Variants in SEMA6D observed in about 807,000 individuals in gnomAD.
SEMA6D encodes semaphorin-6D.
SEMA6D carries 35 observed loss-of-function variants against 106.6 expected under a neutral mutation model. That is an observed-to-expected ratio of 0.33 (90% confidence interval 0.25 to 0.44). The LOEUF is 0.44. Ranked by LOEUF, SEMA6D falls within the 20% of genes least tolerant of loss-of-function variation. SEMA6D has a pLI of 1.00. For missense variants in SEMA6D, 1,185 were observed against 1,345.9 expected (o/e 0.88, Z 1.87); for synonymous variants, 499 against 487.7 (o/e 1.02, Z -0.31).
intron 4 of SEMA6D, among the ~76,000 whole-genome samples, chr15:47,710,671 C>A (rs955188979): frequency 1.3e-5 from 2 of 152,076 alleles, no homozygotes; most frequent in African/African-American, 4.8e-5. Flanking sequence ...CAACTATAAC[C>A]AAAATATTCA....
intron 1 of SEMA6D, among the ~76,000 whole-genome samples, chr15:47,347,533 T>C (rs765805201): frequency 5.9e-5 from 9 of 152,250 alleles, no homozygotes; most frequent in Admixed American, 2.0e-4. Context: ...TAGAGATATA[T>C]AAAAACCCAC....
chr15:47,387,207 C>A (rs557637631), intron 1 of SEMA6D, among the ~76,000 whole-genome samples: 2 of 152,326 alleles, frequency 1.3e-5, no homozygotes, highest in Admixed American at 6.5e-5. Flanking sequence ...ATATCCCTAT[C>A]TGATAATTAT....
At chr15:47,204,486 A>G (rs1223186107) in intron 1 of SEMA6D, among the ~76,000 whole-genome samples, 1 of 152,152 alleles carries the variant, frequency 6.6e-6, no homozygotes, top group Admixed American at 6.6e-5. Flanking sequence ...TGACTGTTTA[A>G]TAACGACCAT....
At chr15:47,710,257 CT>C (rs1315939471) in intron 4 of SEMA6D, among the ~76,000 whole-genome samples, 4 of 152,168 alleles carry the variant, frequency 2.6e-5, no homozygotes, top group Admixed American at 1.3e-4. Context: ...ACAAGCATTT[CT>C]TCTTATTTTA....
chr15:47,715,350 T>G (rs1428964977), upstream of SEMA6D, among the ~76,000 whole-genome samples: 1 of 152,202 alleles, frequency 6.6e-6, no homozygotes, highest in East Asian at 1.9e-4. Flanking sequence ...CAATGGTAGC[T>G]GCATAAAGAG....
At chr15:47,670,643 A>G (rs2078119429) in intron 4 of SEMA6D, among the ~76,000 whole-genome samples, 1 of 152,230 alleles carries the variant, frequency 6.6e-6, no homozygotes, top group Admixed American at 6.5e-5. Flanking sequence ...TTAAGGGATT[A>G]AGTTTGAGGA....
intron 1 of SEMA6D, among the ~76,000 whole-genome samples, chr15:47,297,592 T>C (rs189478710): frequency 4.3e-4 from 66 of 152,276 alleles, no homozygotes; most frequent in Admixed American, 1.7e-3. Context: ...TTCCAGACAC[T>C]GGCCCAGGTG....
In SEMA6D at chr15:47,619,103, G is replaced by A. The variant is rs61019860; in HGVS notation, c.-55+18207G>A. Reference sequence around the variant, plus strand: ...CAAGCACAGGCAGTTGTGCAGGCCAGGTAGTTTCCAAGGCAGTAGCACCCT... The same window carrying A: ...CAAGCACAGGCAGTTGTGCAGGCCAAGTAGTTTCCAAGGCAGTAGCACCCT... On this transcript the variant is annotated intron_variant, in intron 4 of 19. Transcript: ENST00000558014. 6.6e-3 allele frequency among the ~76,000 whole-genome samples: 1,006 copies of A among 152,310 alleles called. 10 individuals are homozygous for A. Among genetic ancestry groups the A allele is most frequent in the African/African-American group, 0.022 (909 of 41,548 alleles).
Position 47,764,282 on chromosome 15 carries a change from C to G in SEMA6D, c.1074C>G (p.Pro358=), listed in dbSNP as rs367727576. The G allele has an allele frequency of 1.2e-6, 2 of 1,613,180 alleles. No homozygotes were observed. The highest frequency in any genetic ancestry group is 2.2e-5 in the East Asian group (1 of 44,858). The change falls in exon 11 of 19, where the codon CCC becomes CCG. Residue 358 remains proline, a synonymous_variant. Coordinates refer to ENST00000536845, the MANE Select transcript of SEMA6D (RefSeq NM_001358351.3). ...CAGATTCTGTTTGGACAGCAGTTCC[C>G]GAAGACAAAGTGCCAAAGCCAAGGT... is the stretch of plus-strand genomic sequence containing the variant. ...KTPDSVWTAV[P]EDKVPKPRPG... is the part of the protein sequence containing the mutation.
chr15:47,434,674 CATAA>C (rs1187610304), intron 2 of SEMA6D, among the ~76,000 whole-genome samples: 3 of 152,104 alleles, frequency 2.0e-5, no homozygotes, highest in Middle Eastern at 3.2e-3. Context: ...CTACACAGCA[CATAA>C]ATAATGTCTA....
chr15:47,345,410 G>A (rs1381564262), intron 1 of SEMA6D, among the ~76,000 whole-genome samples: 2 of 152,028 alleles, frequency 1.3e-5, no homozygotes, highest in African/African-American at 4.8e-5. Context: ...GCTCATGTAT[G>A]GACACTTGAT....
intron 1 of SEMA6D, among the ~76,000 whole-genome samples, chr15:47,208,539 A>C (rs997403261): frequency 4.6e-5 from 7 of 152,174 alleles, no homozygotes; most frequent in Non-Finnish European, 8.8e-5. Flanking sequence ...TCATCATTAC[A>C]CTATACTGCT....
In SEMA6D at chr15:47,773,854, G is replaced by A. The variant is rs1050442058; in HGVS notation, c.*2069G>A. 1.3e-5 allele frequency: 2 copies of A among 152,560 alleles called. No individual in the cohort carries two copies. The highest frequency in any genetic ancestry group is 2.9e-5 in the Non-Finnish European group (2 of 68,024). The allele number at this position is 152,560 out of a possible 1,614,324, so 9.5% of individuals were successfully genotyped here. A position where few individuals can be genotyped will look rare whatever the true frequency, so the allele number is the denominator to read the frequency against. The stretch of plus-strand genomic sequence containing the variant: ...TCACCTTACCAATATTAATCCCAGC[G>A]TGTGTAAAACAGAACAGTAACTCTA... On this transcript the variant is annotated 3_prime_UTR_variant, in exon 19 of 19. Coordinates refer to ENST00000536845, the MANE Select transcript of SEMA6D (RefSeq NM_001358351.3).
intron 1 of SEMA6D, among the ~76,000 whole-genome samples, chr15:47,242,776 T>C (rs1022079656): frequency 2.6e-5 from 4 of 152,154 alleles, no homozygotes; most frequent in Non-Finnish European, 4.4e-5. Flanking sequence ...ATACAAAATC[T>C]GGAAATTTTA....
At chr15:47,602,044 A>G (rs2076672383) in intron 4 of SEMA6D, among the ~76,000 whole-genome samples, 1 of 152,214 alleles carries the variant, frequency 6.6e-6, no homozygotes, top group African/African-American at 2.4e-5. Flanking sequence ...TTCTTAAAAT[A>G]TATTTTTTAC....
intron 3 of SEMA6D, among the ~76,000 whole-genome samples, chr15:47,481,318 G>A (rs1473356161): frequency 6.6e-6 from 1 of 152,142 alleles, no homozygotes; most frequent in African/African-American, 2.4e-5. Context: ...CTCCACAGCT[G>A]CCCCCATTTA....
At chr15:47,207,993 GCACACACACACACACACACACA>G (rs57079521) in intron 1 of SEMA6D, among the ~76,000 whole-genome samples, 225 of 89,458 alleles carry the variant, frequency 2.5e-3, no homozygotes, top group African/African-American at 6.6e-3. Context: ...TGGCGCGCGC[GCACACACACACACACACACACA>G]CACACACACA....
rs377533932 is a variant in SEMA6D at position 47,387,784 on chromosome 15, A to G, written c.-238-24609A>G. Among the ~76,000 whole-genome samples the G allele has an allele frequency of 2.0e-3, 307 of 152,350 alleles. 11 individuals are homozygous for G. The South Asian group carries it at 0.06, about 30-fold the overall frequency. On this transcript the variant is annotated intron_variant, in intron 1 of 19. Coordinates refer to the SEMA6D transcript ENST00000558014. ...ACCTAGTTCAAAATTCAGGTCTGCC[A>G]CTTACTAGCTCTGCATCATTGGAGA...
intron 4 of SEMA6D, among the ~76,000 whole-genome samples, chr15:47,667,093 C>T (rs2078042777): frequency 6.6e-6 from 1 of 152,190 alleles, no homozygotes; most frequent in Non-Finnish European, 1.5e-5. Context: ...CCACGTCTTC[C>T]CTACTGAAGC....
Sources: gnomAD v4.1 joint callset for allele counts (sites outside exome capture counted in the v4.1 genomes callset) on GRCh38, gnomAD v4.1.1 for gene constraint, MANE v1.5 for transcripts, NCBI Gene and HGNC (gene_info 2026-07-23, HGNC 2026-07-21) for gene names.